Variants in ALDH1A1 observed in about 807,000 individuals in gnomAD.
The protein encoded by ALDH1A1 is aldehyde dehydrogenase 1 family member A1, also known as aldehyde dehydrogenase 1A1.
In ALDH1A1, 19 loss-of-function variants were observed where a neutral mutation model predicts 62.1. The ratio of observed to expected loss-of-function variants is 0.31; its 90% CI spans 0.21 to 0.45. ALDH1A1 has a LOEUF of 0.45. Among genes scored for constraint, ALDH1A1 ranks in the 20% least tolerant of loss-of-function variants. The pLI is 1.00. For missense variants in ALDH1A1, 521 were observed against 607.1 expected (o/e 0.86, Z 1.49); for synonymous variants, 231 against 215.9 (o/e 1.07, Z -0.61).
chr9:72,935,284 G>T (rs945887078), intron 2 of ALDH1A1, among the ~76,000 whole-genome samples: 2 of 152,096 alleles, frequency 1.3e-5, no homozygotes, highest in African/African-American at 4.8e-5. Context: ...AAACAATTTG[G>T]TACATTAACT....
intron 11 of ALDH1A1, among the ~76,000 whole-genome samples, chr9:72,907,241 A>G (rs748877188): frequency 6.6e-6 from 1 of 152,184 alleles, no homozygotes; most frequent in Non-Finnish European, 1.5e-5. Context: ...GCTTTGTTTA[A>G]TTGCCCTTTA....
At chr9:72,909,791 A>C in intron 10 of ALDH1A1, 32 bp from the exon 11 acceptor site, 4 of 1,528,582 alleles carry the variant, frequency 2.6e-6, no homozygotes, top group Non-Finnish European at 3.6e-6. Flanking sequence ...AGTAAAAATA[A>C]TAGGTTAAAA....
At chr9:72,916,612 A>G (rs150539886) in intron 9 of ALDH1A1, among the ~76,000 whole-genome samples, 3 of 152,318 alleles carry the variant, frequency 2.0e-5, no homozygotes, top group African/African-American at 7.2e-5. Flanking sequence ...AGAGAACTGT[A>G]TATAGGAATC....
intron 8 of ALDH1A1, among the ~76,000 whole-genome samples, chr9:72,918,390 C>T (rs919640265): frequency 5.9e-5 from 9 of 152,106 alleles, no homozygotes; most frequent in Non-Finnish European, 1.3e-4. Context: ...ATCTCATTAG[C>T]TCAATGAAAT....
intron 2 of ALDH1A1, among the ~76,000 whole-genome samples, chr9:72,935,368 A>G (rs982966014): frequency 3.3e-5 from 5 of 152,206 alleles, no homozygotes; most frequent in African/African-American, 1.2e-4. Context: ...AAGGGCCACA[A>G]GCTGAATGTA....
intron 7 of ALDH1A1, among the ~76,000 whole-genome samples, chr9:72,923,264 G>A (rs1278440600): frequency 6.6e-6 from 1 of 152,112 alleles, no homozygotes; most frequent in African/African-American, 2.4e-5. Flanking sequence ...ATGGAGTGAA[G>A]CTCACTCTTC....
chr9:72,925,378 G>T (rs1588137822), intron 6 of ALDH1A1, 106 bp downstream of exon 6: 1 of 1,339,270 alleles, frequency 7.5e-7, no homozygotes, highest in East Asian at 2.4e-5. Flanking sequence ...CACTGGACAG[G>T]AGCCATCTGT....
At chr9:72,902,382 T>C (rs2118468731) in intron 12 of ALDH1A1, among the ~76,000 whole-genome samples, 1 of 152,164 alleles carries the variant, frequency 6.6e-6, no homozygotes, top group East Asian at 1.9e-4. Context: ...CCCTCCCTTC[T>C]TGTGATGTAG....
At chr9:72,944,931 A>G (rs1394922766) in intron 1 of ALDH1A1, among the ~76,000 whole-genome samples, 2 of 152,102 alleles carry the variant, frequency 1.3e-5, no homozygotes, top group Non-Finnish European at 2.9e-5. Context: ...GGAAGCAATC[A>G]ATAGAAATGT....
At chr9:72,950,616 G>A (rs1224976621) in intron 1 of ALDH1A1, among the ~76,000 whole-genome samples, 1 of 151,680 alleles carries the variant, frequency 6.6e-6, no homozygotes, top group East Asian at 1.9e-4. Flanking sequence ...AAGCTTGAGA[G>A]TATGTAGCTT....
At chr9:72,936,716 T>A (rs1007353167) in intron 2 of ALDH1A1, among the ~76,000 whole-genome samples, 2 of 152,168 alleles carry the variant, frequency 1.3e-5, no homozygotes, top group South Asian at 2.1e-4. Flanking sequence ...ATGATCAGTA[T>A]TTCTATGCCC....
At chr9:72,902,791 A>T (rs1323251406) in intron 12 of ALDH1A1, among the ~76,000 whole-genome samples, 11 of 151,952 alleles carry the variant, frequency 7.2e-5, no homozygotes. Flanking sequence ...TCTTCATCTT[A>T]CTATGTCTGT....
At chr9:72,920,751 T>C (rs949904955) in intron 7 of ALDH1A1, among the ~76,000 whole-genome samples, 1 of 152,252 alleles carries the variant, frequency 6.6e-6, no homozygotes, top group Non-Finnish European at 1.5e-5. Context: ...CATGATTTCA[T>C]TCCCTTATTT....
intron 5 of ALDH1A1, among the ~76,000 whole-genome samples, chr9:72,926,254 A>G (rs543255666): frequency 6.6e-6 from 1 of 152,236 alleles, no homozygotes; most frequent in Non-Finnish European, 1.5e-5. Context: ...CTGGTCTAGC[A>G]TAGACAAGTA....
At chr9:72,911,065 A>AT (rs890671650) in intron 10 of ALDH1A1, among the ~76,000 whole-genome samples, 5 of 151,990 alleles carry the variant, frequency 3.3e-5, no homozygotes, top group African/African-American at 4.8e-5. Flanking sequence ...ATGACAGCTC[A>AT]TTTTTTTTCT....
chr9:72,932,127 G>A (rs1405445163), intron 2 of ALDH1A1, among the ~76,000 whole-genome samples: 1 of 152,128 alleles, frequency 6.6e-6, no homozygotes, highest in Non-Finnish European at 1.5e-5. Context: ...TCATTCCAGT[G>A]TTCTTTTGTA....
chr9:72,901,118 A>T lies in ALDH1A1; in HGVS notation c.*90T>A, dbSNP rs879021654. On this transcript the variant is annotated 3_prime_UTR_variant, in exon 13 of 13. Coordinates refer to ENST00000297785, the MANE Select transcript of ALDH1A1 (RefSeq NM_000689.5). ...GCTTATGTTTAAAAAAATCAAGAAAAGAAAAATTTTGTCTTTAAAATCTAC... is the reference window on the plus strand; with the variant it reads ...GCTTATGTTTAAAAAAATCAAGAAATGAAAAATTTTGTCTTTAAAATCTAC... The T allele has an allele frequency of 8.2e-6, 8 of 980,344 alleles. No individual in the cohort carries two copies. In the South Asian group the frequency reaches 1.2e-4, roughly 15 times the overall value. The allele number at this position is 980,344 out of a possible 1,614,324, so 60.7% of individuals were successfully genotyped here. A position where few individuals can be genotyped will look rare whatever the true frequency, so the allele number is the denominator to read the frequency against.
chr9:72,945,950 T>G (rs8187887), intron 1 of ALDH1A1, among the ~76,000 whole-genome samples: 15,782 of 152,082 alleles, frequency 0.1, 1,057 homozygotes, highest in African/African-American at 0.19. Context: ...ATAGTCTGAC[T>G]TTAGTAACGT....
At chr9:72,927,207 T>A in intron 4 of ALDH1A1, 30 bp from the exon 5 acceptor site, 1 of 1,487,778 alleles carries the variant, frequency 6.7e-7, no homozygotes, top group Non-Finnish European at 9.2e-7. Context: ...CAATCATATA[T>A]AAACAAATGT....
Sources: gnomAD v4.1 joint callset for allele counts (sites outside exome capture counted in the v4.1 genomes callset) on GRCh38, gnomAD v4.1.1 for gene constraint, MANE v1.5 for transcripts, NCBI Gene and HGNC (gene_info 2026-07-23, HGNC 2026-07-21) for gene names.